KCNH5: variants seen among roughly 807,000 people sequenced by gnomAD.
The protein encoded by KCNH5 is voltage-gated delayed rectifier potassium channel KCNH5.
KCNH5 carries 46 observed loss-of-function variants against 96.1 expected under a neutral mutation model. That is an observed-to-expected ratio of 0.48 (90% confidence interval 0.38 to 0.61). The LOEUF (loss-of-function observed/expected upper bound fraction) is 0.61. Among genes scored for constraint, KCNH5 ranks in the 20% least tolerant of loss-of-function variants. The pLI, the probability that KCNH5 is intolerant of heterozygous loss-of-function variation, is 0.00. For synonymous variants in KCNH5, 439 were observed against 449.8 expected (o/e 0.98, Z 0.30); for missense variants, 907 against 1,225.8 (o/e 0.74, Z 3.88).
intron 10 of KCNH5, among the ~76,000 whole-genome samples, chr14:62,750,259 T>G (rs143530609): frequency 1.3e-5 from 2 of 152,282 alleles, no homozygotes; most frequent in Non-Finnish European, 2.9e-5. Context: ...AAAAGCTTTT[T>G]TCCTATAAAA....
intron 10 of KCNH5, among the ~76,000 whole-genome samples, chr14:62,753,770 G>A (rs925199040): frequency 2.0e-5 from 3 of 152,096 alleles, no homozygotes; most frequent in African/African-American, 7.2e-5. Context: ...ATACAGGAAA[G>A]ATAAAGACTT....
chr14:62,781,936 C>A (rs1163288106), intron 9 of KCNH5, among the ~76,000 whole-genome samples: 1 of 152,162 alleles, frequency 6.6e-6, no homozygotes, highest in African/African-American at 2.4e-5. Context: ...TCCATGAAAT[C>A]TTTACAACTT....
intron 10 of KCNH5, among the ~76,000 whole-genome samples, chr14:62,776,617 A>G (rs1324562223): frequency 6.6e-6 from 1 of 152,198 alleles, no homozygotes; most frequent in Non-Finnish European, 1.5e-5. Flanking sequence ...TTGGCCCACA[A>G]ATCCAAAATT....
intron 6 of KCNH5, among the ~76,000 whole-genome samples, chr14:62,959,932 A>G (rs369150534): frequency 2.2e-4 from 34 of 152,122 alleles, no homozygotes; most frequent in African/African-American, 8.0e-4. Flanking sequence ...ACACTGCATA[A>G]GAGTTACCTC....
chr14:62,784,129 T>G (rs1886273685), intron 9 of KCNH5, among the ~76,000 whole-genome samples: 1 of 152,160 alleles, frequency 6.6e-6, no homozygotes, highest in Admixed American at 6.6e-5. Context: ...GGCCTCACAA[T>G]CATGGCCGAA....
At chr14:62,743,098 AC>A (rs1368740643) in intron 10 of KCNH5, among the ~76,000 whole-genome samples, 1 of 152,170 alleles carries the variant, frequency 6.6e-6, no homozygotes, top group Non-Finnish European at 1.5e-5. Flanking sequence ...CTGGCATTTT[AC>A]CCCTGGAGAT....
chr14:62,909,108 G>A lies in KCNH5; in HGVS notation c.1369+41025C>T, dbSNP rs1285741002. On this transcript the variant is annotated intron_variant, in intron 7 of 10. Transcript: ENST00000322893. ...TCGCCCAGGCTGGAGTGCAGTGGCG[G>A]GATCTCGGCTCACTGCAAGCTCCGC... Among the ~76,000 whole-genome samples the A allele has an allele frequency of 3.8e-5, 5 of 130,310 alleles. No homozygotes were observed. In the East Asian group the frequency reaches 7.0e-4, roughly 18 times the overall value. 85.5% of individuals were successfully genotyped at this position (130,310 alleles called of 152,430 possible).
intron 1 of KCNH5, among the ~76,000 whole-genome samples, chr14:63,019,973 C>T (rs372265282): frequency 6.6e-6 from 1 of 152,018 alleles, no homozygotes; most frequent in African/African-American, 2.4e-5. Flanking sequence ...AATATTCCTA[C>T]AAAAGAACAA....
chr14:62,838,856 G>T (rs1486129964), intron 8 of KCNH5, among the ~76,000 whole-genome samples: 1 of 152,038 alleles, frequency 6.6e-6, no homozygotes, highest in Non-Finnish European at 1.5e-5. Flanking sequence ...TAAGATTATT[G>T]GCCTTCTGAA....
chr14:62,824,202 T>G (rs1362821198), intron 8 of KCNH5, among the ~76,000 whole-genome samples: 2 of 151,918 alleles, frequency 1.3e-5, no homozygotes, highest in African/African-American at 4.8e-5. Flanking sequence ...ATTTCAGCAG[T>G]TCAGGGCTAC....
At chr14:62,743,714 C>T (rs1405483619) in intron 10 of KCNH5, among the ~76,000 whole-genome samples, 1 of 152,158 alleles carries the variant, frequency 6.6e-6, no homozygotes, top group Non-Finnish European at 1.5e-5. Flanking sequence ...TCCTTTACCA[C>T]CATATTCACT....
intron 8 of KCNH5, among the ~76,000 whole-genome samples, chr14:62,807,751 T>G (rs567891826): frequency 5.7e-4 from 86 of 152,144 alleles, no homozygotes; most frequent in African/African-American, 2.0e-3. Context: ...AATGACTGGT[T>G]GTTTAAAAGG....
chr14:62,957,881 T>G (rs10129697), intron 6 of KCNH5, among the ~76,000 whole-genome samples: 18,030 of 152,220 alleles, frequency 0.12, 1,176 homozygotes, highest in African/African-American at 0.17. Flanking sequence ...CTAGCCTAAA[T>G]CAGCAGAACC....
At chr14:62,835,858 T>C (rs1887455472) in intron 8 of KCNH5, among the ~76,000 whole-genome samples, 1 of 152,042 alleles carries the variant, frequency 6.6e-6, no homozygotes, top group Non-Finnish European at 1.5e-5. Context: ...TTCAATTTTT[T>C]ATGATTGCCC....
intron 6 of KCNH5, among the ~76,000 whole-genome samples, chr14:62,970,909 C>T (rs753958141): frequency 1.3e-5 from 2 of 151,756 alleles, no homozygotes; most frequent in Non-Finnish European, 2.9e-5. Flanking sequence ...TAACATCATA[C>T]TCAAGAATGA....
intron 7 of KCNH5, among the ~76,000 whole-genome samples, chr14:62,940,906 A>T (rs1322640970): frequency 2.0e-5 from 3 of 152,200 alleles, no homozygotes; most frequent in Non-Finnish European, 4.4e-5. Context: ...ACAAAGACAG[A>T]TCCTCTTCTC....
intron 3 of KCNH5, among the ~76,000 whole-genome samples, chr14:63,005,402 T>C (rs77903802): frequency 5.3e-5 from 8 of 152,328 alleles, no homozygotes; most frequent in Non-Finnish European, 8.8e-5. Context: ...ATGGAGAGGA[T>C]AAATTATGCT....
At chr14:62,808,839 A>C (rs1886820229) in intron 8 of KCNH5, among the ~76,000 whole-genome samples, 2 of 152,102 alleles carry the variant, frequency 1.3e-5, no homozygotes, top group Non-Finnish European at 2.9e-5. Flanking sequence ...TATCAACCAC[A>C]GTCAACTGTT....
At chr14:62,709,195 A>T (rs1022783699) in intron 10 of KCNH5, among the ~76,000 whole-genome samples, 30 of 130,156 alleles carry the variant, frequency 2.3e-4, no homozygotes, top group East Asian at 5.2e-4. Context: ...ATCGCGCCAC[A>T]GCACTCCCGC....
Sources: allele counts gnomAD v4.1 joint callset (sites outside exome capture counted in the v4.1 genomes callset), GRCh38; gene constraint gnomAD v4.1.1; transcripts MANE v1.5; gene names NCBI Gene and HGNC (gene_info 2026-07-23, HGNC 2026-07-21).